CACNA1D: variants seen among roughly 807,000 people sequenced by gnomAD.
The protein encoded by CACNA1D is calcium voltage-gated channel subunit alpha1 D.
In CACNA1D, 55 loss-of-function variants were observed where a neutral mutation model predicts 257.1. That is an observed-to-expected ratio of 0.21 (90% CI 0.17 to 0.27). CACNA1D has a LOEUF of 0.27. CACNA1D is among the 10% of genes least tolerant of loss of function. The pLI is 1.00. For synonymous variants in CACNA1D, 980 were observed against 1,014.9 expected, an observed-to-expected ratio of 0.97 and a Z score of 0.65; for missense variants, 1,876 against 2,784.0, an observed-to-expected ratio of 0.67 and a Z score of 7.34.
chr3:53,630,594 C>G (rs1158571148), intron 3 of CACNA1D, among the ~76,000 whole-genome samples: 4 of 152,188 alleles, frequency 2.6e-5, no homozygotes, highest in Non-Finnish European at 5.9e-5. Flanking sequence ...CGTGTAAGCT[C>G]TTTAGAAATT....
chr3:53,748,960 T>C, intron 26 of CACNA1D: 3 of 478,930 alleles, frequency 6.3e-6, no homozygotes, highest in Non-Finnish European at 1.2e-5. Flanking sequence ...TCCTCCAGTG[T>C]CTTACACGTG....
intron 3 of CACNA1D, among the ~76,000 whole-genome samples, chr3:53,627,546 C>T (rs1348016674): frequency 1.4e-5 from 2 of 145,518 alleles, no homozygotes; most frequent in African/African-American, 5.1e-5. Flanking sequence ...TATCCTCTTC[C>T]ACAAGGCTGC....
At chr3:53,538,371 G>T (rs893475061) in intron 3 of CACNA1D, among the ~76,000 whole-genome samples, 8 of 151,936 alleles carry the variant, frequency 5.3e-5, no homozygotes, top group Admixed American at 3.9e-4. Flanking sequence ...TGCCCAGGCT[G>T]GTCTCAAACT....
At chr3:53,665,620 C>T (rs1418608679) in intron 5 of CACNA1D, 40 bp from the exon 6 acceptor site, 3 of 1,568,016 alleles carry the variant, frequency 1.9e-6, no homozygotes, top group Admixed American at 3.3e-5. Flanking sequence ...ATTGGAGTGC[C>T]TTCCTGGCTC....
intron 11 of CACNA1D, among the ~76,000 whole-genome samples, chr3:53,720,958 ATGTT>A (rs2094877245): frequency 6.6e-6 from 1 of 152,236 alleles, no homozygotes; most frequent in Admixed American, 6.5e-5. Flanking sequence ...TGTAACATGA[ATGTT>A]TGTACCAGTT....
chr3:53,518,546 T>C (rs1172475391), intron 3 of CACNA1D, among the ~76,000 whole-genome samples: 1 of 152,158 alleles, frequency 6.6e-6, no homozygotes, highest in African/African-American at 2.4e-5. Context: ...AACCCACACA[T>C]AGGGCTCCCA....
chr3:53,715,707 G>C (rs1020822), intron 9 of CACNA1D, among the ~76,000 whole-genome samples: 89,014 of 152,094 alleles, frequency 0.59, 27,168 homozygotes, highest in East Asian at 0.89. Flanking sequence ...TGGCCAACCT[G>C]TGCACCTGCT....
chr3:53,639,149 C>T (rs2093919115), intron 3 of CACNA1D, among the ~76,000 whole-genome samples: 1 of 152,176 alleles, frequency 6.6e-6, no homozygotes, highest in South Asian at 2.1e-4. Flanking sequence ...CCTTCTCTGC[C>T]TATTTGTTTT....
rs561021090 is a variant in CACNA1D at position 53,704,389 on chromosome 3, C to T, written c.1390+1579C>T. Among the ~76,000 whole-genome samples the T allele has an allele frequency of 7.9e-5, 12 of 152,198 alleles. No homozygotes were observed. In the East Asian group the frequency reaches 1.7e-3, roughly 22 times the overall value. On this transcript the variant is annotated intron_variant, in intron 9 of 47. Transcript: ENST00000350061. ...CTTCTTGCCAGGCTCAGGAAGGGGC[C>T]AGGACTTTAGCACCTGAGGATCAGA...
At chr3:53,795,470 C>G (rs1017866037) in intron 40 of CACNA1D, among the ~76,000 whole-genome samples, 6 of 152,204 alleles carry the variant, frequency 3.9e-5, no homozygotes, top group Non-Finnish European at 5.9e-5. Context: ...ACAGGAAGAA[C>G]AGGCTTAGGG....
chr3:53,499,903 G>A (rs983336502), intron 2 of CACNA1D, among the ~76,000 whole-genome samples: 1 of 151,984 alleles, frequency 6.6e-6, no homozygotes, highest in African/African-American at 2.4e-5. Flanking sequence ...CTTAAGGTGG[G>A]CTATCTGAAA....
In CACNA1D at chr3:53,549,596, C is replaced by T. The variant is rs185878862; in HGVS notation, c.483+47876C>T. 6.6e-5 allele frequency among the ~76,000 whole-genome samples: 10 copies of T among 152,302 alleles called. No homozygotes were observed. The East Asian group carries it at 1.9e-3, about 29-fold the overall frequency. On this transcript the variant is annotated intron_variant, in intron 3 of 47. Coordinates refer to ENST00000350061, the MANE Select transcript of CACNA1D (RefSeq NM_001128840.3). ...TCAAATGACTGTTCAGAGACACAGTCTTTAGGTGCTCACTCTAGAGAGGAC... is the reference window on the plus strand; with the variant it reads ...TCAAATGACTGTTCAGAGACACAGTTTTTAGGTGCTCACTCTAGAGAGGAC...
intron 3 of CACNA1D, among the ~76,000 whole-genome samples, chr3:53,508,567 G>A (rs2090963526): frequency 6.6e-6 from 1 of 152,196 alleles, no homozygotes. Flanking sequence ...ATAAGTGAGA[G>A]CAAGGCATTT....
At chr3:53,593,078 CT>C (rs1212337163) in intron 3 of CACNA1D, among the ~76,000 whole-genome samples, 2 of 152,144 alleles carry the variant, frequency 1.3e-5, no homozygotes, top group African/African-American at 2.4e-5. Context: ...ATATTCACGC[CT>C]TTTTCACGGT....
intron 3 of CACNA1D, among the ~76,000 whole-genome samples, chr3:53,527,087 G>A (rs563719588): frequency 3.9e-5 from 6 of 152,164 alleles, no homozygotes; most frequent in Non-Finnish European, 5.9e-5. Flanking sequence ...GTACTTTCGT[G>A]TCCATTCTCT....
rs2095394535 is a variant in CACNA1D at position 53,775,876 on chromosome 3, T to C, written c.4203-10T>C. The C allele has an allele frequency of 6.2e-7, 1 of 1,613,818 alleles. No homozygotes were observed. Among genetic ancestry groups the C allele is most frequent in the East Asian group, 2.2e-5 (1 of 44,896 alleles). Reference sequence around the variant, plus strand: ...CCCACTAAAGCCCCTTTGTTCTTCATCTGAAAAAGGTGTGCAACAGGTGAG... The same window carrying C: ...CCCACTAAAGCCCCTTTGTTCTTCACCTGAAAAAGGTGTGCAACAGGTGAG... On this transcript the variant is annotated splice_polypyrimidine_tract_variant and intron_variant, in intron 34 of 47. Transcript: ENST00000350061.
intron 15 of CACNA1D, among the ~76,000 whole-genome samples, chr3:53,727,286 G>T (rs1288527264): frequency 6.6e-6 from 1 of 152,192 alleles, no homozygotes; most frequent in East Asian, 1.9e-4. Flanking sequence ...ACTCAGTTTG[G>T]CATCATGTCT....
intron 8 of CACNA1D, among the ~76,000 whole-genome samples, chr3:53,691,096 C>T (rs1202967187): frequency 2.0e-5 from 3 of 151,414 alleles, no homozygotes; most frequent in East Asian, 1.9e-4. Context: ...TGATCTGTTT[C>T]GTTCAGAGAG....
intron 40 of CACNA1D, among the ~76,000 whole-genome samples, chr3:53,796,732 G>A (rs2095509293): frequency 6.6e-6 from 1 of 152,142 alleles, no homozygotes; most frequent in Non-Finnish European, 1.5e-5. Flanking sequence ...GCAGTCTACA[G>A]GCAAAGCGCC....
Sources: allele counts gnomAD v4.1 joint callset (sites outside exome capture counted in the v4.1 genomes callset), GRCh38; gene constraint gnomAD v4.1.1; transcripts MANE v1.5; gene names NCBI Gene and HGNC (gene_info 2026-07-23, HGNC 2026-07-21).